The following C1orf198 variants were observed in gnomAD, a reference collection of about 807,000 sequenced individuals.
C1orf198 encodes chromosome 1 open reading frame 198, also known as uncharacterized protein C1orf198.
In C1orf198, 17 loss-of-function variants were observed where a neutral mutation model predicts 31.4. That is an observed-to-expected ratio of 0.54 (90% CI 0.37 to 0.81). The LOEUF is 0.81. C1orf198 is among the 40% of genes least tolerant of loss of function. C1orf198 has a pLI of 0.00. For synonymous variants in C1orf198, 175 were observed against 193.8 expected (o/e 0.90, Z 0.81); for missense variants, 401 against 450.3 (o/e 0.89, Z 0.99).
chr1:230,854,510 C>CG lies in C1orf198; in HGVS notation c.384+1157_384+1158insC, dbSNP rs1397555947. On this transcript the variant is annotated intron_variant, in intron 2 of 3. Transcript: ENST00000366663. ...CCCAAGACAGTGCTGGTCACCCCTGCAACCCGTACCCGATCCCTAGGGAGA... is the reference window on the plus strand; with the variant it reads ...CCCAAGACAGTGCTGGTCACCCCTGCGAACCCGTACCCGATCCCTAGGGAGA... Among the ~76,000 whole-genome samples the CG allele has an allele frequency of 2.0e-5, 3 of 152,176 alleles. No individual in the cohort carries two copies. In the East Asian group the frequency reaches 5.8e-4, roughly 29 times the overall value.
chr1:230,861,787 G>A (rs1353685638), intron 1 of C1orf198, among the ~76,000 whole-genome samples: 1 of 152,166 alleles, frequency 6.6e-6, no homozygotes, highest in Admixed American at 6.5e-5. Context: ...AGCTGTTCCA[G>A]GAAAAACAGC....
At chr1:230,864,798 A>T (rs1572141069) in intron 1 of C1orf198, among the ~76,000 whole-genome samples, 2 of 152,150 alleles carry the variant, frequency 1.3e-5, no homozygotes, top group South Asian at 4.1e-4. Flanking sequence ...ATGTACTCAG[A>T]TCTTGCTAGA....
chr1:230,859,087 T>C (rs554416656), intron 1 of C1orf198, among the ~76,000 whole-genome samples: 1 of 152,198 alleles, frequency 6.6e-6, no homozygotes, highest in South Asian at 2.1e-4. Context: ...AAAATAAACA[T>C]GCCAAACAAA....
intron 2 of C1orf198, among the ~76,000 whole-genome samples, chr1:230,849,290 G>A (rs2102980120): frequency 6.6e-6 from 1 of 152,116 alleles, no homozygotes; most frequent in East Asian, 1.9e-4. Flanking sequence ...GGGCTGGCGG[G>A]AGGATGAGGC....
At position 230,867,934 on chromosome 1, in the gene C1orf198, G is replaced by A. The variant is rs141219219; in HGVS notation, c.333+246C>T. 1.9e-3 allele frequency among the ~76,000 whole-genome samples: 283 copies of A among 152,234 alleles called. 2 individuals carry two copies. The highest frequency in any genetic ancestry group is 6.5e-3 in the African/African-American group (271 of 41,512). ...GTCTCTGGAGTCCGTGCGAGCCGGC[G>A]GATCAGGTCTAGATGGAGGTTCTTT... On this transcript the variant is annotated intron_variant, in intron 1 of 3. Coordinates refer to ENST00000366663, the MANE Select transcript of C1orf198 (RefSeq NM_032800.3).
chr1:230,845,470 G>A (rs1371434319), intron 2 of C1orf198, among the ~76,000 whole-genome samples: 1 of 152,078 alleles, frequency 6.6e-6, no homozygotes, highest in African/African-American at 2.4e-5. Flanking sequence ...ATCATCTGAG[G>A]TCAGGAGTTT....
chr1:230,849,576 T>C (rs1008284695), intron 2 of C1orf198, among the ~76,000 whole-genome samples: 4 of 152,226 alleles, frequency 2.6e-5, no homozygotes, highest in Middle Eastern at 3.2e-3. Flanking sequence ...TGGGTCTCAG[T>C]TGGCCATGTC....
chr1:230,868,036 T>TACCCC, intron 1 of C1orf198, 144 bp downstream of exon 1: 1 of 861,460 alleles, frequency 1.2e-6, no homozygotes, highest in Non-Finnish European at 1.6e-6. Context: ...GCTCTGGGGC[T>TACCCC]CCCCTCCCAC....
chr1:230,847,094 C>A (rs1669610857), intron 2 of C1orf198, among the ~76,000 whole-genome samples: 1 of 114,690 alleles, frequency 8.7e-6, no homozygotes, highest in African/African-American at 5.0e-5. Flanking sequence ...CAGAGCGAGA[C>A]TCCGTCTCAA....
intron 3 of C1orf198, among the ~76,000 whole-genome samples, chr1:230,841,421 T>C (rs1216855520): frequency 6.6e-6 from 1 of 152,202 alleles, no homozygotes; most frequent in Non-Finnish European, 1.5e-5. Context: ...CATTCAATGT[T>C]ATCAGTGATG....
At chr1:230,853,668 C>G (rs1054451581) in intron 2 of C1orf198, among the ~76,000 whole-genome samples, 5 of 152,114 alleles carry the variant, frequency 3.3e-5, no homozygotes, top group Non-Finnish European at 7.4e-5. Context: ...CAAACTGGAA[C>G]TCTAATCTAA....
rs769435422 is a variant in C1orf198, at chr1:230,843,594, G to A, written c.687C>T (p.Tyr229=). 1.2e-6 allele frequency: 2 copies of A among 1,614,228 alleles called. No individual in the cohort carries two copies. Among genetic ancestry groups the A allele is most frequent in the South Asian group, 1.1e-5 (1 of 91,086 alleles). ...TGTCCTTCGGGGCAGGTTCCTGCCG[G>A]TAGCAGGGAGGCAAGACCTTTTCCC... ...EKGEKVLPPC[Y]RQEPAPKDRE... Residue 229 remains tyrosine, a synonymous_variant, in exon 3 of 4, where the codon TAC becomes TAT. Transcript: ENST00000366663. This position sits in a 1 kb window ranked among gnomAD's most constrained non-coding sequence, Gnocchi z 4.9.
intron 2 of C1orf198, among the ~76,000 whole-genome samples, chr1:230,851,251 G>T (rs1669735566): frequency 6.6e-6 from 1 of 152,116 alleles, no homozygotes; most frequent in Non-Finnish European, 1.5e-5. Flanking sequence ...TGGACATCAG[G>T]TGAAGGAAGG....
intron 1 of C1orf198, among the ~76,000 whole-genome samples, chr1:230,864,170 G>T (rs1272429070): frequency 6.6e-6 from 1 of 152,068 alleles, no homozygotes; most frequent in African/African-American, 2.4e-5. Context: ...CTTCTGCCTG[G>T]TTTGAAACTT....
chr1:230,860,680 A>G (rs1669985113), intron 1 of C1orf198, among the ~76,000 whole-genome samples: 1 of 152,354 alleles, frequency 6.6e-6, no homozygotes, highest in East Asian at 1.9e-4. Context: ...GACAGAAAGT[A>G]GAATAGAGGT....
rs766165123 is a variant in C1orf198, at chr1:230,868,274, G to C, written c.239C>G (p.Pro80Arg). ...IDRCLVGPRA[P>R]APRDPGDSEE... Reference sequence around the variant, plus strand: ...CGAGTCCCCGGGGTCTCGGGGCGCCGGGGCGCGCGGCCCCACCAGGCACCG... The same window carrying C: ...CGAGTCCCCGGGGTCTCGGGGCGCCCGGGCGCGCGGCCCCACCAGGCACCG... The change falls in exon 1 of 4, where the codon CCG becomes CGG. Residue 80 changes from proline to arginine, a missense_variant. Physicochemically the swap from Pro to Arg is moderately radical, Grantham distance 103. Transcript: ENST00000366663. The C allele has an allele frequency of 6.3e-7, 1 of 1,585,072 alleles. No homozygotes were observed.
At chr1:230,866,509 G>A (rs1044699860) in intron 1 of C1orf198, among the ~76,000 whole-genome samples, 3 of 152,210 alleles carry the variant, frequency 2.0e-5, no homozygotes, top group African/African-American at 7.2e-5. Flanking sequence ...CACCAGATGA[G>A]GAATGAGAAT....
chr1:230,865,189 A>G (rs1374542553), intron 1 of C1orf198, among the ~76,000 whole-genome samples: 1 of 152,040 alleles, frequency 6.6e-6, no homozygotes. Flanking sequence ...GAGGCAAACT[A>G]CCCCTTAAGA....
chr1:230,849,790 C>T (rs956811337), intron 2 of C1orf198, among the ~76,000 whole-genome samples: 2 of 152,224 alleles, frequency 1.3e-5, no homozygotes, highest in African/African-American at 4.8e-5. Flanking sequence ...TTTACTGGAG[C>T]AAATCCTAAT....
Sources: allele counts gnomAD v4.1 joint callset (sites outside exome capture counted in the v4.1 genomes callset), GRCh38; gene constraint gnomAD v4.1.1; non-coding constraint Gnocchi (gnomAD v3.1); transcripts MANE v1.5; gene names NCBI Gene and HGNC (gene_info 2026-07-23, HGNC 2026-07-21).